Variants in GNG12 observed in about 807,000 individuals in gnomAD.
GNG12 encodes the protein guanine nucleotide-binding protein G(I)/G(S)/G(O) subunit gamma-12.
For synonymous variants in GNG12, 28 were observed against 29.7 expected (o/e 0.94, Z 0.19); for missense variants, 69 against 83.8 (o/e 0.82, Z 0.69).
At position 67,819,154 on chromosome 1, in the gene GNG12, A is replaced by T. The variant is rs192554256; in HGVS notation, c.-77+14190T>A. Among the ~76,000 whole-genome samples, 11 of 152,170 alleles carry T rather than the reference A, an allele frequency of 7.2e-5. No individual in the cohort carries two copies. The East Asian group carries it at 2.1e-3, about 29-fold the overall frequency. The stretch of plus-strand genomic sequence containing the variant: ...GACATGCGGGCGCTTTAGGAGGTGG[A>T]CCCAGGCTTTAGTTGGGGGCAGGGT... On this transcript the variant is annotated intron_variant, in intron 1 of 3. Transcript: ENST00000370982.
chr1:67,833,030 G>A (rs542803686), intron 1 of GNG12, among the ~76,000 whole-genome samples: 1 of 152,068 alleles, frequency 6.6e-6, no homozygotes, highest in South Asian at 2.1e-4. Context: ...CCACAGCCGT[G>A]GGGGCGGCTT....
At chr1:67,822,066 GA>G (rs11422955) in intron 1 of GNG12, among the ~76,000 whole-genome samples, 67 of 148,784 alleles carry the variant, frequency 4.5e-4, no homozygotes, top group South Asian at 6.4e-4. Flanking sequence ...CTGATGAGCT[GA>G]AAAAAAAAAT....
At chr1:67,817,221 T>C (rs1646958079) in intron 1 of GNG12, among the ~76,000 whole-genome samples, 1 of 152,198 alleles carries the variant, frequency 6.6e-6, no homozygotes, top group Admixed American at 6.5e-5. Context: ...AATTTACATA[T>C]GTCCAGAGAT....
intron 1 of GNG12, among the ~76,000 whole-genome samples, chr1:67,785,585 T>G (rs182361833): frequency 6.6e-6 from 1 of 152,158 alleles, no homozygotes; most frequent in Admixed American, 6.6e-5. Context: ...GGAGGAGCAC[T>G]CGTTCGATGT....
intron 1 of GNG12, among the ~76,000 whole-genome samples, chr1:67,820,996 A>C (rs1015439441): frequency 6.6e-6 from 1 of 152,246 alleles, no homozygotes; most frequent in Non-Finnish European, 1.5e-5. Context: ...CTTACTAGTA[A>C]CACCCTAAGT....
intron 2 of GNG12, among the ~76,000 whole-genome samples, chr1:67,766,148 A>ACACACACACACACACACACACC (rs756645057): frequency 6.0e-5 from 8 of 133,706 alleles, no homozygotes; most frequent in African/African-American, 2.2e-4. Flanking sequence ...ACACACACAC[A>ACACACACACACACACACACACC]CCCCTAAACA....
intron 1 of GNG12, among the ~76,000 whole-genome samples, chr1:67,779,382 G>A (rs1282990097): frequency 6.6e-6 from 1 of 152,108 alleles, no homozygotes; most frequent in East Asian, 1.9e-4. Context: ...GGAGAGCCCT[G>A]AACCTGCTGA....
chr1:67,815,228 T>C (rs1646946746), intron 1 of GNG12, among the ~76,000 whole-genome samples: 2 of 152,208 alleles, frequency 1.3e-5, no homozygotes, highest in African/African-American at 2.4e-5. Context: ...ACTTTACAGG[T>C]TGCCTTCCCT....
intron 2 of GNG12, among the ~76,000 whole-genome samples, chr1:67,771,863 A>C (rs1340922841): frequency 1.3e-5 from 2 of 152,220 alleles, no homozygotes; most frequent in Non-Finnish European, 2.9e-5. Flanking sequence ...CATTAGGTAA[A>C]TGGCAACTAT....
At chr1:67,748,314 T>C (rs866315399) in intron 2 of GNG12, among the ~76,000 whole-genome samples, 5 of 152,292 alleles carry the variant, frequency 3.3e-5, no homozygotes, top group South Asian at 4.2e-4. Context: ...TTTCCAGAGT[T>C]TGGTGGCTAC....
chr1:67,704,634 G>A lies in GNG12; in HGVS notation c.*817C>T, dbSNP rs1646234930. 3 of 152,712 alleles carry A rather than the reference G, an allele frequency of 2.0e-5. No homozygotes were observed. The highest frequency in any genetic ancestry group is 2.9e-5 in the Non-Finnish European group (2 of 68,028). 9.5% of individuals were successfully genotyped at this position (152,712 alleles called of 1,614,324 possible). On this transcript the variant is annotated 3_prime_UTR_variant, in exon 4 of 4. Coordinates refer to ENST00000370982, the MANE Select transcript of GNG12 (RefSeq NM_018841.6). ...GCACAGCTGCCTGGAGTCCTCCCAA[G>A]GGTCTCCTCCCCTTTTCCAGACTCA...
chr1:67,730,084 G>A (rs536491076), intron 2 of GNG12, among the ~76,000 whole-genome samples: 1 of 152,202 alleles, frequency 6.6e-6, no homozygotes. Flanking sequence ...ACTAAAATGA[G>A]AACACAATGA....
intron 1 of GNG12, among the ~76,000 whole-genome samples, chr1:67,803,670 T>C (rs2100800080): frequency 6.6e-6 from 1 of 152,374 alleles, no homozygotes; most frequent in Non-Finnish European, 1.5e-5. Flanking sequence ...CGAAGTTATG[T>C]TCCCTTTTTA....
intron 1 of GNG12, among the ~76,000 whole-genome samples, chr1:67,831,091 A>C (rs913671025): frequency 6.6e-6 from 1 of 152,200 alleles, no homozygotes; most frequent in Non-Finnish European, 1.5e-5. Context: ...CCAACACCCC[A>C]AATCACTGTT....
chr1:67,758,896 G>A (rs1419593770), intron 2 of GNG12, among the ~76,000 whole-genome samples: 2 of 152,138 alleles, frequency 1.3e-5, no homozygotes, highest in African/African-American at 2.4e-5. Flanking sequence ...GAAGGGAAGG[G>A]GGGGATGAAA....
intron 2 of GNG12, among the ~76,000 whole-genome samples, chr1:67,732,456 T>A (rs1350296639): frequency 6.6e-6 from 1 of 152,224 alleles, no homozygotes; most frequent in Non-Finnish European, 1.5e-5. Context: ...TTGGGTTTCT[T>A]ATTTTAAAAG....
chr1:67,761,697 C>G (rs921528385), intron 2 of GNG12, among the ~76,000 whole-genome samples: 1 of 152,154 alleles, frequency 6.6e-6, no homozygotes, highest in Non-Finnish European at 1.5e-5. Flanking sequence ...CAGGGTATAT[C>G]CGAGATCGGC....
chr1:67,726,994 T>G (rs1409648542), intron 2 of GNG12, among the ~76,000 whole-genome samples: 1 of 152,196 alleles, frequency 6.6e-6, no homozygotes, highest in East Asian at 1.9e-4. Context: ...CCCTGCAAGC[T>G]TTGGAAAGAA....
intron 1 of GNG12, among the ~76,000 whole-genome samples, chr1:67,802,955 A>G (rs72924725): frequency 0.057 from 8,631 of 152,308 alleles, 556 homozygotes; most frequent in African/African-American, 0.16. Flanking sequence ...CAGCAGCAAG[A>G]GGAGCTAAGA....
Sources: gnomAD v4.1 joint callset for allele counts (sites outside exome capture counted in the v4.1 genomes callset) on GRCh38, gnomAD v4.1.1 for gene constraint, MANE v1.5 for transcripts, NCBI Gene and HGNC (gene_info 2026-07-23, HGNC 2026-07-21) for gene names.